EIF2AK4: variants seen among roughly 807,000 people sequenced by gnomAD.
The protein encoded by EIF2AK4 is eIF-2-alpha kinase GCN2.
A neutral mutation model predicts 211.1 loss-of-function variants in EIF2AK4; 139 were observed. The observed-to-expected ratio is 0.66, with a 90% CI of 0.57 to 0.76. The LOEUF is 0.76. EIF2AK4 is among the 30% of genes least tolerant of loss of function. The pLI, the probability that EIF2AK4 is intolerant of heterozygous loss-of-function variation, is 0.00. For missense variants in EIF2AK4, 1,664 were observed against 2,043.8 expected (o/e 0.81, Z 3.58); for synonymous variants, 710 against 751.3 (o/e 0.94, Z 0.90).
At chr15:39,939,833 A>G (rs984418416) in intron 2 of EIF2AK4, among the ~76,000 whole-genome samples, 2 of 152,250 alleles carry the variant, frequency 1.3e-5, no homozygotes, top group African/African-American at 2.4e-5. Flanking sequence ...CACTACAGAT[A>G]CTTATATTTG....
At chr15:40,031,909 A>G (rs1317288233) in intron 35 of EIF2AK4, among the ~76,000 whole-genome samples, 1 of 152,178 alleles carries the variant, frequency 6.6e-6, no homozygotes, top group Non-Finnish European at 1.5e-5. Context: ...TATTTTCAGT[A>G]GAGACGGGGT....
At chr15:39,943,240 T>A in intron 2 of EIF2AK4, 143 bp from the exon 3 acceptor site, 1 of 581,956 alleles carries the variant, frequency 1.7e-6, no homozygotes, top group East Asian at 3.4e-5. Flanking sequence ...CACTGTCAAC[T>A]GGAGTTGCAG....
intron 3 of EIF2AK4, among the ~76,000 whole-genome samples, chr15:39,945,955 G>GA (rs2034222038): frequency 6.6e-6 from 1 of 151,940 alleles, no homozygotes; most frequent in Non-Finnish European, 1.5e-5. Context: ...CTGCTGCTCT[G>GA]AAAAAAAAGA....
At chr15:40,012,090 A>C (rs913352524) in intron 27 of EIF2AK4, among the ~76,000 whole-genome samples, 2 of 152,194 alleles carry the variant, frequency 1.3e-5, no homozygotes, top group Non-Finnish European at 2.9e-5. Flanking sequence ...TTGATCAGCA[A>C]AATTCACATA....
At position 40,035,008 on chromosome 15, in the gene EIF2AK4, C is replaced by CTT. The variant is rs762873699; in HGVS notation, c.4893-16_4893-15dup. On this transcript the variant is annotated intron_variant, in intron 38 of 38. Coordinates refer to ENST00000263791, the MANE Select transcript of EIF2AK4 (RefSeq NM_001013703.4). ...CATTAAACTGAGTCTGTCCTTATAT[C>CTT]TTTTCTTTTCTTTTGCAGGGTGTCT... The CTT allele has an allele frequency of 5.2e-6, 8 of 1,547,214 alleles. No individual in the cohort carries two copies. The highest frequency in any genetic ancestry group is 4.1e-5 in the African/African-American group (3 of 74,000).
chr15:40,001,161 C>G lies in EIF2AK4; in HGVS notation c.3096C>G (p.Ala1032=). 2.5e-6 allele frequency: 4 copies of G among 1,614,126 alleles called. No homozygotes were observed. The highest frequency in any genetic ancestry group is 3.4e-6 in the Non-Finnish European group (4 of 1,180,022). ...GGAAGGCCTACCGCACCATGATGGC[C>G]CAGATCTTCTCGCAGCGCATCTCCC... The part of the protein sequence containing the change: ...VDGKAYRTMM[A]QIFSQRISPA... The change falls in exon 21 of 39, where the codon GCC becomes GCG. Residue 1032 remains alanine (A), a synonymous_variant. Transcript: ENST00000263791.
chr15:40,011,371 T>TA (rs1430183505), intron 27 of EIF2AK4, 25 bp downstream of exon 27: 3 of 1,576,382 alleles, frequency 1.9e-6, no homozygotes, highest in East Asian at 4.5e-5. Flanking sequence ...ATGGTATTAT[T>TA]ACAGCTTTCT....
intron 2 of EIF2AK4, among the ~76,000 whole-genome samples, chr15:39,939,980 CTGG>C (rs1377604464): frequency 6.6e-5 from 10 of 152,138 alleles, no homozygotes; most frequent in Non-Finnish European, 1.3e-4. Flanking sequence ...TAGAGTGTGG[CTGG>C]TATTAGAAAT....
intron 13 of EIF2AK4, among the ~76,000 whole-genome samples, chr15:39,981,620 T>C (rs1387202685): frequency 1.3e-5 from 2 of 151,084 alleles, no homozygotes; most frequent in Non-Finnish European, 3.0e-5. Flanking sequence ...TTTTTTTTTT[T>C]CTTTGATAAA....
chr15:39,943,476 CTG>C lies in EIF2AK4; in HGVS notation c.354_355del (p.Cys118TrpfsTer7), dbSNP rs1085307439. On this transcript the variant is annotated frameshift_variant, in exon 3 of 39. Coordinates refer to ENST00000263791, the MANE Select transcript of EIF2AK4 (RefSeq NM_001013703.4). LOFTEE classifies it high-confidence loss of function. ...GCCTAGAAGAACTGGCCAAGAAACA[CTG>C]TGGGGAGGTAAGATTTGTTAAACTG... ...SRLEELAKKH[C>X]GEVMIFELAY... 2 of 1,576,450 alleles carry C rather than the reference CTG, an allele frequency of 1.3e-6. No homozygotes were observed. Among genetic ancestry groups the C allele is most frequent in the Non-Finnish European group, 1.7e-6 (2 of 1,167,326 alleles).
intron 18 of EIF2AK4, among the ~76,000 whole-genome samples, chr15:39,993,202 GTCCATCCATCCATCCATCCAGCCA>G (rs1566997479): frequency 1.4e-5 from 2 of 146,144 alleles, no homozygotes; most frequent in Non-Finnish European, 1.5e-5. Context: ...CCGTCCGTCC[GTCCATCCATCCATCCATCCAGCCA>G]TCCATCCATC....
At chr15:40,007,229 C>T (rs1424153132) in intron 24 of EIF2AK4, among the ~76,000 whole-genome samples, 164 bp downstream of exon 24, 1 of 152,160 alleles carries the variant, frequency 6.6e-6, no homozygotes, top group Admixed American at 6.5e-5. Context: ...CCACAGTACC[C>T]CTTCCTGTAA....
chr15:39,990,211 G>T, intron 15 of EIF2AK4, 62 bp from the exon 16 acceptor site: 1 of 1,515,624 alleles, frequency 6.6e-7, no homozygotes, highest in Non-Finnish European at 9.1e-7. Context: ...TTTTAAATTA[G>T]GAAGTAGGTA....
intron 15 of EIF2AK4, 67 bp from the exon 16 acceptor site, chr15:39,990,206 A>C (rs2140927225): frequency 6.6e-7 from 1 of 1,506,372 alleles, no homozygotes; most frequent in East Asian, 2.3e-5. Flanking sequence ...TGGCCTTTTA[A>C]ATTAGGAAGT....
chr15:39,962,781 A>C (rs1003449005), intron 7 of EIF2AK4, among the ~76,000 whole-genome samples: 1 of 152,200 alleles, frequency 6.6e-6, no homozygotes, highest in African/African-American at 2.4e-5. Context: ...AGCAAATCAG[A>C]ATTTGAATTG....
At chr15:39,954,169 G>A (rs1419886526) in intron 5 of EIF2AK4, among the ~76,000 whole-genome samples, 185 bp downstream of exon 5, 1 of 152,202 alleles carries the variant, frequency 6.6e-6, no homozygotes, top group African/African-American at 2.4e-5. Context: ...TATGTTGTCA[G>A]TAGATGATTT....
intron 2 of EIF2AK4, among the ~76,000 whole-genome samples, chr15:39,940,372 T>C (rs2034128291): frequency 6.6e-6 from 1 of 152,188 alleles, no homozygotes; most frequent in Admixed American, 6.5e-5. Flanking sequence ...AATTATTGTA[T>C]GGGGAACCAG....
chr15:40,003,169 G>C, intron 22 of EIF2AK4, 24 bp from the exon 23 acceptor site: 1 of 1,612,122 alleles, frequency 6.2e-7, no homozygotes, highest in South Asian at 1.1e-5. Flanking sequence ...CTGATGATGA[G>C]CTATTTTTTC....
Position 40,016,524 on chromosome 15 carries a change from T to C in EIF2AK4, c.3782T>C (p.Ile1261Thr), listed in dbSNP as rs374654521. The C allele has an allele frequency of 6.2e-7, 1 of 1,614,188 alleles. No homozygotes were observed. The highest frequency in any genetic ancestry group is 1.7e-5 in the Admixed American group (1 of 60,024). ...CAGCTGTGTCGACTCTACAAGTTTA[T>C]TGAACAGAAGGGAGATTTGCAAGAT... ...SNSLCRLYKFIEQKGDLQDLM... is the reference protein window; with the variant it reads ...SNSLCRLYKFTEQKGDLQDLM... Residue 1261 changes from isoleucine to threonine, a missense_variant, in exon 28 of 39, where the codon ATT becomes ACT. By Grantham distance (89) the Ile-to-Thr change is moderately conservative. Around this residue, in one of 7 missense-constraint regions of EIF2AK4, gnomAD observed 622 missense variants for 796.8 expected, o/e 0.78. Transcript: ENST00000263791.
Sources: allele counts gnomAD v4.1 joint callset (sites outside exome capture counted in the v4.1 genomes callset), GRCh38; gene constraint gnomAD v4.1.1; regional missense constraint gnomAD v4.1.1; transcripts MANE v1.5; gene names NCBI Gene and HGNC (gene_info 2026-07-23, HGNC 2026-07-21).